KCNQ5: variants seen among roughly 807,000 people sequenced by gnomAD.
KCNQ5 encodes the protein potassium voltage-gated channel subfamily Q member 5.
Under a neutral mutation model 98.2 loss-of-function variants are expected in KCNQ5, and 30 were observed. The observed-to-expected ratio is 0.31, with a 90% CI of 0.23 to 0.41. KCNQ5 has a LOEUF of 0.41. KCNQ5 is among the 10% of genes least tolerant of loss of function. The probability of loss-of-function intolerance (pLI) is 1.00; values close to 1 mark genes in which losing one functional copy is unlikely to be tolerated. For synonymous variants in KCNQ5, 458 were observed against 449.4 expected, an observed-to-expected ratio of 1.02 and a Z score of -0.24; for missense variants, 835 against 1,182.5, an observed-to-expected ratio of 0.71 and a Z score of 4.31.
chr6:73,007,973 G>T (rs986008554), intron 2 of KCNQ5, among the ~76,000 whole-genome samples: 3 of 152,052 alleles, frequency 2.0e-5, no homozygotes, highest in African/African-American at 7.2e-5. Flanking sequence ...AAGGTGTAGG[G>T]CTAGAGATGT....
At chr6:73,193,077 G>T (rs1236808184) in intron 13 of KCNQ5, among the ~76,000 whole-genome samples, 1 of 141,436 alleles carries the variant, frequency 7.1e-6, no homozygotes, top group Non-Finnish European at 1.5e-5. Flanking sequence ...CTGGAGTGTA[G>T]TGGCATGCTC....
rs34867008 is a variant in KCNQ5 at position 72,854,758 on chromosome 6, T to TTGTGTGTG, written c.399-149131_399-149124dup. On this transcript the variant is annotated intron_variant, in intron 1 of 13. Transcript: ENST00000370398. ...CACACACACACACACACACCATGGT[T>TTGTGTGTG]TGTGTGTGTGTGTGTGTGTGTGTGT... 9.2e-3 allele frequency among the ~76,000 whole-genome samples: 1,173 copies of TTGTGTGTG among 127,144 alleles called. 11 individuals are homozygous for TTGTGTGTG. The highest frequency in any genetic ancestry group is 0.026 in the African/African-American group (872 of 33,642). The allele number at this position is 127,144 out of a possible 152,430, so 83.4% of individuals were successfully genotyped here.
intron 1 of KCNQ5, among the ~76,000 whole-genome samples, chr6:72,880,915 C>T (rs1197628947): frequency 6.6e-6 from 1 of 152,110 alleles, no homozygotes; most frequent in Non-Finnish European, 1.5e-5. Context: ...ATTGATAGCC[C>T]TTAAGGCCAA....
At chr6:72,955,652 G>A (rs1379180415) in intron 1 of KCNQ5, among the ~76,000 whole-genome samples, 1 of 152,162 alleles carries the variant, frequency 6.6e-6, no homozygotes, top group Admixed American at 6.6e-5. Flanking sequence ...TCCTTGAATA[G>A]TGTCTCAAAT....
chr6:72,956,549 AT>A (rs201696633), intron 1 of KCNQ5, among the ~76,000 whole-genome samples: 360 of 28,372 alleles, frequency 0.013, 8 homozygotes, highest in Admixed American at 0.11. Context: ...TCTTTCTTTT[AT>A]TTTTTTTATT....
At chr6:72,918,983 G>A (rs1223893214) in intron 1 of KCNQ5, among the ~76,000 whole-genome samples, 1 of 151,884 alleles carries the variant, frequency 6.6e-6, no homozygotes, top group Non-Finnish European at 1.5e-5. Context: ...CTCTCTTTTT[G>A]TTCTCCTTTC....
At chr6:72,648,827 GA>G (rs936081238) in intron 1 of KCNQ5, among the ~76,000 whole-genome samples, 17 of 142,244 alleles carry the variant, frequency 1.2e-4, no homozygotes, top group Non-Finnish European at 6.1e-5. Context: ...TATCTCAGAA[GA>G]AAAAAAAAGA....
intron 1 of KCNQ5, among the ~76,000 whole-genome samples, chr6:72,641,611 A>T (rs62411982): frequency 0.05 from 7,675 of 152,016 alleles, 211 homozygotes; most frequent in Middle Eastern, 0.13. Context: ...TGTGTGTGTG[A>T]GAGAGAGAAA....
chr6:73,195,820 G>C lies in KCNQ5; in HGVS notation c.*406G>C, dbSNP rs1174942745. 5.2e-6 allele frequency: 1 copy of C among 193,258 alleles called. No individual in the cohort carries two copies. Among genetic ancestry groups the C allele is most frequent in the African/African-American group, 2.3e-5 (1 of 43,060 alleles). The allele number at this position is 193,258 out of a possible 1,614,324, so 12.0% of individuals were successfully genotyped here. A position where few individuals can be genotyped will look rare whatever the true frequency, so the allele number is the denominator to read the frequency against. ...TACATTTTCAAGATTAGGCCATAAT[G>C]TATATTTAAACACAATGGCTATCAA... On this transcript the variant is annotated 3_prime_UTR_variant, in exon 14 of 14. Coordinates refer to ENST00000370398, the MANE Select transcript of KCNQ5 (RefSeq NM_019842.4).
chr6:73,177,212 A>T (rs1034134767), intron 11 of KCNQ5, among the ~76,000 whole-genome samples: 2 of 152,232 alleles, frequency 1.3e-5, no homozygotes, highest in African/African-American at 4.8e-5. Flanking sequence ...ATTCAGTAGA[A>T]GGAAAAGGGT....
At chr6:73,062,907 G>A (rs1019495965) in intron 3 of KCNQ5, among the ~76,000 whole-genome samples, 9 of 152,124 alleles carry the variant, frequency 5.9e-5, no homozygotes, top group Non-Finnish European at 1.0e-4. Context: ...GGAATTTGGA[G>A]ATCAAAGTAC....
Position 73,003,969 on chromosome 6 carries a change from A to C in KCNQ5, c.460A>C (p.Lys154Gln), listed in dbSNP as rs1346817319. The change falls in exon 2 of 14, where the codon AAA (lysine) becomes CAA (glutamine). Residue 154 changes from lysine (K) to glutamine (Q), a missense_variant. Around this residue, in one of 10 missense-constraint regions of KCNQ5, gnomAD observed 20 missense variants for 16.1 expected, o/e 1.24. Coordinates refer to ENST00000370398, the MANE Select transcript of KCNQ5 (RefSeq NM_019842.4). ...GTTTTCTACCATCCCTGAGCACACA[A>C]AATTGGCCTCAAGTTGCCTCTTGAT... is the stretch of plus-strand genomic sequence containing the variant. The part of the protein sequence containing the change: ...SVFSTIPEHT[K>Q]LASSCLLILE... 6.2e-7 allele frequency: 1 copy of C among 1,612,996 alleles called. No homozygotes were observed. Among genetic ancestry groups the C allele is most frequent in the Admixed American group, 1.7e-5 (1 of 59,962 alleles).
At chr6:72,826,439 A>G (rs944817859) in intron 1 of KCNQ5, among the ~76,000 whole-genome samples, 3 of 152,068 alleles carry the variant, frequency 2.0e-5, no homozygotes, top group African/African-American at 7.2e-5. Context: ...AATAGAAGAA[A>G]TATGTACTAT....
intron 1 of KCNQ5, among the ~76,000 whole-genome samples, chr6:72,969,740 C>T (rs1361470480): frequency 1.3e-5 from 2 of 152,076 alleles, no homozygotes; most frequent in African/African-American, 4.8e-5. Context: ...AATTCAGTAC[C>T]ATGTATACAG....
At chr6:72,886,566 G>A (rs1297949728) in intron 1 of KCNQ5, among the ~76,000 whole-genome samples, 2 of 152,080 alleles carry the variant, frequency 1.3e-5, no homozygotes, top group Non-Finnish European at 2.9e-5. Context: ...AGAAACAGCA[G>A]TTATCCAGTT....
In KCNQ5 at chr6:72,633,952, T is replaced by C. The variant is rs556887198; in HGVS notation, c.398+11365T>C. The stretch of plus-strand genomic sequence containing the variant: ...AAATCCTAGAAGAGAACCTAAGAAA[T>C]AGTTTTCTCAACATCAGCCTTGGCA... On this transcript the variant is annotated intron_variant, in intron 1 of 13. Transcript: ENST00000370398. 1.1e-3 allele frequency among the ~76,000 whole-genome samples: 173 copies of C among 152,206 alleles called. 1 individual carries two copies. The highest frequency in any genetic ancestry group is 2.1e-3 in the Non-Finnish European group (141 of 67,996).
intron 1 of KCNQ5, among the ~76,000 whole-genome samples, chr6:72,637,893 G>A (rs16882670): frequency 0.052 from 7,988 of 152,212 alleles, 649 homozygotes; most frequent in African/African-American, 0.18. Context: ...GTTTTAACAA[G>A]CTCGAACATT....
intron 1 of KCNQ5, among the ~76,000 whole-genome samples, chr6:72,771,742 T>C (rs1399881999): frequency 6.6e-6 from 1 of 151,802 alleles, no homozygotes; most frequent in African/African-American, 2.4e-5. Flanking sequence ...CTGATGGTAA[T>C]GTTATTTCTA....
At position 73,057,281 on chromosome 6, in the gene KCNQ5, G is replaced by A. The variant is rs111372565; in HGVS notation, c.616+15219G>A. 5.6e-3 allele frequency among the ~76,000 whole-genome samples: 668 copies of A among 118,458 alleles called. 5 individuals are homozygous for A. Among genetic ancestry groups the A allele is most frequent in the African/African-American group, 0.021 (639 of 31,158 alleles). The allele number at this position is 118,458 out of a possible 152,430, so 77.7% of individuals were successfully genotyped here. On this transcript the variant is annotated intron_variant, in intron 3 of 13. Coordinates refer to ENST00000370398, the MANE Select transcript of KCNQ5 (RefSeq NM_019842.4). ...CTCATAGGTGGGAATTGAACAATGA[G>A]AACACTTGGATGCAGGGTGGGGAAC...
Sources: allele counts gnomAD v4.1 joint callset (sites outside exome capture counted in the v4.1 genomes callset), GRCh38; gene constraint gnomAD v4.1.1; regional missense constraint gnomAD v4.1.1; transcripts MANE v1.5; gene names NCBI Gene and HGNC (gene_info 2026-07-23, HGNC 2026-07-21).